Variants in DMRTA2 observed in about 807,000 individuals in gnomAD.
DMRTA2 encodes the protein doublesex- and mab-3-related transcription factor A2.
Under a neutral mutation model 29.7 loss-of-function variants are expected in DMRTA2, and 10 were observed. That is an observed-to-expected ratio of 0.34 (90% CI 0.21 to 0.57). The LOEUF (loss-of-function observed/expected upper bound fraction) is 0.57. DMRTA2 is among the 20% of genes least tolerant of loss of function. DMRTA2 has a pLI of 0.87. For missense variants in DMRTA2, 783 were observed against 812.1 expected (o/e 0.96, Z 0.44); for synonymous variants, 469 against 402.6 (o/e 1.16, Z -1.97).
chr1:50,419,379 C>G lies in DMRTA2; in HGVS notation c.915G>C (p.Leu305=). Residue 305 remains leucine, a synonymous_variant, in exon 3 of 3, where the codon CTG becomes CTC. Coordinates refer to ENST00000404795, the MANE Select transcript of DMRTA2 (RefSeq NM_032110.3). This position sits in a 1 kb window ranked among gnomAD's most constrained non-coding sequence, Gnocchi z 6.1. ...GCTGCCGTGGACCCGAGCCTCCGCC[C>G]AGCCCTGGCGCCGGCGCGGCCTCAC... ...EEGEAAPAPG[L]GGGSGPRQRT... 1 of 1,596,934 alleles carries G rather than the reference C, an allele frequency of 6.3e-7. No homozygotes were observed. Among genetic ancestry groups the G allele is most frequent in the Non-Finnish European group, 8.5e-7 (1 of 1,179,060 alleles).
At position 50,418,641 on chromosome 1, in the gene DMRTA2, C is replaced by T. The variant is rs530586456; in HGVS notation, c.*24G>A. On this transcript the variant is annotated 3_prime_UTR_variant, in exon 3 of 3. Coordinates refer to ENST00000404795, the MANE Select transcript of DMRTA2 (RefSeq NM_032110.3). Reference sequence around the variant, plus strand: ...AGGGCTGGGGTTCCTGTTTGGGGACCGGCCGGCTGCCAGGCCCCTCGCCCT... The same window carrying T: ...AGGGCTGGGGTTCCTGTTTGGGGACTGGCCGGCTGCCAGGCCCCTCGCCCT... 4 of 1,367,786 alleles carry T rather than the reference C, an allele frequency of 2.9e-6. No homozygotes were observed. The highest frequency in any genetic ancestry group is 3.0e-5 in the East Asian group (1 of 32,830). The allele number at this position is 1,367,786 out of a possible 1,614,324, so 84.7% of individuals were successfully genotyped here.
Position 50,421,123 on chromosome 1 carries a change from C to A in DMRTA2, c.414G>T (p.Gly138=). 1 of 1,528,050 alleles carries A rather than the reference C, an allele frequency of 6.5e-7. No homozygotes were observed. Among genetic ancestry groups the A allele is most frequent in the Admixed American group, 2.0e-5 (1 of 50,298 alleles). 94.7% of individuals were successfully genotyped at this position (1,528,050 alleles called of 1,614,324 possible). A position where few individuals can be genotyped will look rare whatever the true frequency, so the allele number is the denominator to read the frequency against. ...ELQLLYGTAE[G]LALAAANGII... ...TGCCGTTGGCGGCGGCCAGCGCCAG[C>A]CCCTCGGCAGTGCCGTAGAGCAGCT... Residue 138 remains glycine, a synonymous_variant, in exon 2 of 3, where the codon GGG becomes GGT. Coordinates refer to ENST00000404795, the MANE Select transcript of DMRTA2 (RefSeq NM_032110.3). The surrounding 1 kb of genome is among the most constrained non-coding windows in gnomAD (Gnocchi z 8.7).
Position 50,420,404 on chromosome 1 carries a change from A to G in DMRTA2, c.559+574T>C, listed in dbSNP as rs919714218. Among the ~76,000 whole-genome samples the G allele has an allele frequency of 1.3e-5, 2 of 152,168 alleles. No individual in the cohort carries two copies. Among genetic ancestry groups the G allele is most frequent in the East Asian group, 1.9e-4 (1 of 5,190 alleles). On this transcript the variant is annotated intron_variant, in intron 2 of 2. Coordinates refer to ENST00000404795, the MANE Select transcript of DMRTA2 (RefSeq NM_032110.3). The surrounding 1 kb of genome is among the most constrained non-coding windows in gnomAD (Gnocchi z 4.1). ...GCTAGGCAGGCAGTAGGAAGCGAAG[A>G]GGAAAAGACATAGGAAAGCAGACCT... is the stretch of plus-strand genomic sequence containing the variant.
chr1:50,419,008 A>G lies in DMRTA2; in HGVS notation c.1286T>C (p.Leu429Pro), dbSNP rs758929441. 4 of 1,410,392 alleles carry G rather than the reference A, an allele frequency of 2.8e-6. No homozygotes were observed. In the South Asian group the frequency reaches 4.5e-5, roughly 16 times the overall value. 87.4% of individuals were successfully genotyped at this position (1,410,392 alleles called of 1,614,324 possible). A position where few individuals can be genotyped will look rare whatever the true frequency, so the allele number is the denominator to read the frequency against. ...LLAGAMAPGA[L>P]GSLSSRSAFS... ...GGCCGAGCGGCTGCTCAGCGAGCCC[A>G]GCGCCCCAGGCGCCATGGCGCCGGC... The change falls in exon 3 of 3, where the codon CTG becomes CCG. Residue 429 changes from leucine (L) to proline (P), a missense_variant. By Grantham distance (98) the Leu-to-Pro change is moderately conservative. This residue lies in a region of DMRTA2 where 667 missense variants were observed against 624.8 expected (regional missense o/e 1.07). Transcript: ENST00000404795. This position sits in a 1 kb window ranked among gnomAD's most constrained non-coding sequence, Gnocchi z 6.1.
rs1646049430 is a variant in DMRTA2, at chr1:50,422,949, A to G, written c.-9+167T>C. Reference sequence around the variant, plus strand: ...CCGTCCCTGCCAGAGCCCGCGACAGAGTCCTTGTGTCTCCGTCCGAGAGTC... The same window carrying G: ...CCGTCCCTGCCAGAGCCCGCGACAGGGTCCTTGTGTCTCCGTCCGAGAGTC... On this transcript the variant is annotated intron_variant, in intron 1 of 2. Coordinates refer to ENST00000404795, the MANE Select transcript of DMRTA2 (RefSeq NM_032110.3). The surrounding 1 kb of genome is among the most constrained non-coding windows in gnomAD (Gnocchi z 5.7). Among the ~76,000 whole-genome samples, 1 of 152,168 alleles carries G rather than the reference A, an allele frequency of 6.6e-6. No homozygotes were observed. The highest frequency in any genetic ancestry group is 2.4e-5 in the African/African-American group (1 of 41,450).
At position 50,419,734 on chromosome 1, in the gene DMRTA2, T is replaced by C; in HGVS notation, c.560A>G (p.Glu187Gly). The part of the protein sequence containing the change: ...GGGAAGAGGS[E>G]AKLQKFDLFP... ...CAGGTCAAACTTCTGCAACTTGGCC[T>C]CTGGGAGGGGAGAAAACGTGTCGTG... The change falls in exon 3 of 3, where the codon GAG (glutamate) becomes GGG (glycine). Residue 187 changes from glutamate to glycine, a missense_variant and splice_region_variant. Glu to Gly is a moderately conservative substitution (Grantham distance 98). Coordinates refer to ENST00000404795, the MANE Select transcript of DMRTA2 (RefSeq NM_032110.3). The surrounding 1 kb of genome is among the most constrained non-coding windows in gnomAD (Gnocchi z 6.1). 1 of 1,465,412 alleles carries C rather than the reference T, an allele frequency of 6.8e-7. No homozygotes were observed. Among genetic ancestry groups the C allele is most frequent in the Non-Finnish European group, 9.0e-7 (1 of 1,110,956 alleles). The allele number at this position is 1,465,412 out of a possible 1,614,324, so 90.8% of individuals were successfully genotyped here.
Position 50,419,439 on chromosome 1 carries a change from G to A in DMRTA2, c.855C>T (p.Gly285=). The stretch of plus-strand genomic sequence containing the variant: ...TGTCAGCCTCTGAACCGGATTCAGA[G>A]CCCAGAGGGCTAGCGGAGCCCGGGC... ...EDSPGSASPL[G]SESGSEADKE... Residue 285 remains glycine, a synonymous_variant, in exon 3 of 3, where the codon GGC becomes GGT. Coordinates refer to ENST00000404795, the MANE Select transcript of DMRTA2 (RefSeq NM_032110.3). This position sits in a 1 kb window ranked among gnomAD's most constrained non-coding sequence, Gnocchi z 6.1. 6.3e-7 allele frequency: 1 copy of A among 1,598,784 alleles called. No homozygotes were observed. Among genetic ancestry groups the A allele is most frequent in the South Asian group, 1.1e-5 (1 of 90,486 alleles).
chr1:50,418,714 C>G lies in DMRTA2; in HGVS notation c.1580G>C (p.Gly527Ala). Residue 527 changes from glycine to alanine, a missense_variant, in exon 3 of 3, where the codon GGC (glycine) becomes GCC (alanine). Physicochemically the swap from Gly to Ala is moderately conservative, Grantham distance 60 (BLOSUM62 0). Transcript: ENST00000404795. Reference sequence around the variant, plus strand: ...GACCATAGGCCCGTACAGGCCGCCGCCGTAGGTCGGCTCCTTGTGCACCGC... The same window carrying G: ...GACCATAGGCCCGTACAGGCCGCCGGCGTAGGTCGGCTCCTTGTGCACCGC... Reference protein sequence around the residue: ...AAAVHKEPTYGGGLYGPMVNG... With the variant: ...AAAVHKEPTYAGGLYGPMVNG... The G allele has an allele frequency of 6.6e-7, 1 of 1,519,278 alleles. No homozygotes were observed. Among genetic ancestry groups the G allele is most frequent in the Non-Finnish European group, 8.8e-7 (1 of 1,138,902 alleles). The allele number at this position is 1,519,278 out of a possible 1,614,324, so 94.1% of individuals were successfully genotyped here. A position where few individuals can be genotyped will look rare whatever the true frequency, so the allele number is the denominator to read the frequency against.
Position 50,419,401 on chromosome 1 carries a change from T to C in DMRTA2, c.893A>G (p.Glu298Gly), listed in dbSNP as rs1255330338. The C allele has an allele frequency of 6.3e-7, 1 of 1,597,324 alleles. No individual in the cohort carries two copies. The highest frequency in any genetic ancestry group is 2.2e-5 in the East Asian group (1 of 44,750). The change falls in exon 3 of 3, where the codon GAG becomes GGG. Residue 298 changes from glutamate (E) to glycine (G), a missense_variant. By Grantham distance (98) the Glu-to-Gly change is moderately conservative (BLOSUM62 -2). This residue lies in a region of DMRTA2 where 667 missense variants were observed against 624.8 expected (regional missense o/e 1.07). Transcript: ENST00000404795. The surrounding 1 kb of genome is among the most constrained non-coding windows in gnomAD (Gnocchi z 6.1). ...GCCCAGCCCTGGCGCCGGCGCGGCC[T>C]CACCCTCTTCTTTGTCAGCCTCTGA... ...SGSEADKEEG[E>G]AAPAPGLGGG...
rs765628426 is a variant in DMRTA2 at position 50,421,138 on chromosome 1, G to A, written c.399C>T (p.Tyr133=). 1.0e-5 allele frequency: 16 copies of A among 1,531,860 alleles called. No individual in the cohort carries two copies. Among genetic ancestry groups the A allele is most frequent in the Non-Finnish European group, 1.3e-5 (15 of 1,142,130 alleles). 94.9% of individuals were successfully genotyped at this position (1,531,860 alleles called of 1,614,324 possible). A position where few individuals can be genotyped will look rare whatever the true frequency, so the allele number is the denominator to read the frequency against. ...ENEARELQLL[Y]GTAEGLALAA... ...CCAGCGCCAGCCCCTCGGCAGTGCCGTAGAGCAGCTGCAGCTCGCGCGCCT... is the reference window on the plus strand; with the variant it reads ...CCAGCGCCAGCCCCTCGGCAGTGCCATAGAGCAGCTGCAGCTCGCGCGCCT... The change falls in exon 2 of 3, where the codon TAC becomes TAT. Residue 133 remains tyrosine, a synonymous_variant. Coordinates refer to ENST00000404795, the MANE Select transcript of DMRTA2 (RefSeq NM_032110.3). The surrounding 1 kb of genome is among the most constrained non-coding windows in gnomAD (Gnocchi z 8.7).
Position 50,418,451 on chromosome 1 carries a change from C to G in DMRTA2, c.*214G>C, listed in dbSNP as rs539782171. ...AGGAGATGAGGACCCAGGCCGCGCA[C>G]CCCCTCCGAGAACACCTGCACCTGT... On this transcript the variant is annotated 3_prime_UTR_variant, in exon 3 of 3. Coordinates refer to ENST00000404795, the MANE Select transcript of DMRTA2 (RefSeq NM_032110.3). 5.0e-6 allele frequency: 2 copies of G among 397,328 alleles called. No homozygotes were observed. The highest frequency in any genetic ancestry group is 4.1e-5 in the African/African-American group (2 of 48,628). The allele number at this position is 397,328 out of a possible 1,614,324, so 24.6% of individuals were successfully genotyped here. A position where few individuals can be genotyped will look rare whatever the true frequency, so the allele number is the denominator to read the frequency against.
In DMRTA2 at chr1:50,419,175, C is replaced by A; in HGVS notation, c.1119G>T (p.Val373=). 3.0e-6 allele frequency: 4 copies of A among 1,338,034 alleles called. No individual in the cohort carries two copies. Among genetic ancestry groups the A allele is most frequent in the Non-Finnish European group, 3.8e-6 (4 of 1,050,838 alleles). 82.9% of individuals were successfully genotyped at this position (1,338,034 alleles called of 1,614,324 possible). A position where few individuals can be genotyped will look rare whatever the true frequency, so the allele number is the denominator to read the frequency against. ...GPAAPPDKAA[V]GAAAAADDAW... ...CGTCGTCTGCAGCTGCTGCAGCACC[C>A]ACGGCGGCCTTATCTGGGGGCGCCG... The change falls in exon 3 of 3, where the codon GTG becomes GTT. Residue 373 remains valine (V), a synonymous_variant. Coordinates refer to ENST00000404795, the MANE Select transcript of DMRTA2 (RefSeq NM_032110.3). The surrounding 1 kb of genome is among the most constrained non-coding windows in gnomAD (Gnocchi z 6.1).
rs1298845416 is a variant in DMRTA2 at position 50,422,728 on chromosome 1, G to T, written c.-9+388C>A. The stretch of plus-strand genomic sequence containing the variant: ...GGGTCCCAGGGGACCCCTCTCGAGC[G>T]CAGGCTCCTGCGTTCTGATCTCAGA... On this transcript the variant is annotated intron_variant, in intron 1 of 2. Transcript: ENST00000404795. This position sits in a 1 kb window ranked among gnomAD's most constrained non-coding sequence, Gnocchi z 5.7. 6.6e-6 allele frequency among the ~76,000 whole-genome samples: 1 copy of T among 152,184 alleles called. No homozygotes were observed. Among genetic ancestry groups the T allele is most frequent in the African/African-American group, 2.4e-5 (1 of 41,440 alleles).
Position 50,420,329 on chromosome 1 carries a change from T to C in DMRTA2, c.560-595A>G, listed in dbSNP as rs1646026472. Reference sequence around the variant, plus strand: ...CTTTCCCTCAACGGCTCTGGCCTAATTTCTTCCCTCCCCACAAAAAGCCAC... The same window carrying C: ...CTTTCCCTCAACGGCTCTGGCCTAACTTCTTCCCTCCCCACAAAAAGCCAC... On this transcript the variant is annotated intron_variant, in intron 2 of 2. Transcript: ENST00000404795. The surrounding 1 kb of genome is among the most constrained non-coding windows in gnomAD (Gnocchi z 4.1). Among the ~76,000 whole-genome samples the C allele has an allele frequency of 6.6e-6, 1 of 152,066 alleles. No homozygotes were observed. Among genetic ancestry groups the C allele is most frequent in the South Asian group, 2.1e-4 (1 of 4,814 alleles).
Position 50,420,660 on chromosome 1 carries a change from G to T in DMRTA2, c.559+318C>A, listed in dbSNP as rs1050488020. Among the ~76,000 whole-genome samples the T allele has an allele frequency of 6.6e-6, 1 of 152,192 alleles. No individual in the cohort carries two copies. The highest frequency in any genetic ancestry group is 1.5e-5 in the Non-Finnish European group (1 of 68,028). On this transcript the variant is annotated intron_variant, in intron 2 of 2. Transcript: ENST00000404795. This position sits in a 1 kb window ranked among gnomAD's most constrained non-coding sequence, Gnocchi z 4.1. ...GCGCAGAGCGAACGAAGATGCGCAGGTTTCCACCTGGGGAGAAGACGAAGC... is the reference window on the plus strand; with the variant it reads ...GCGCAGAGCGAACGAAGATGCGCAGTTTTCCACCTGGGGAGAAGACGAAGC...
Position 50,419,721 on chromosome 1 carries a change from C to A in DMRTA2, c.573G>T (p.Gln191His). 1 of 1,477,084 alleles carries A rather than the reference C, an allele frequency of 6.8e-7. No individual in the cohort carries two copies. The allele number at this position is 1,477,084 out of a possible 1,614,324, so 91.5% of individuals were successfully genotyped here. A position where few individuals can be genotyped will look rare whatever the true frequency, so the allele number is the denominator to read the frequency against. The change falls in exon 3 of 3, where the codon CAG becomes CAT. Residue 191 changes from glutamine (Q) to histidine (H), a missense_variant. This residue lies in a region of DMRTA2 where 667 missense variants were observed against 624.8 expected (regional missense o/e 1.07). Coordinates refer to ENST00000404795, the MANE Select transcript of DMRTA2 (RefSeq NM_032110.3). This position sits in a 1 kb window ranked among gnomAD's most constrained non-coding sequence, Gnocchi z 6.1. Reference protein sequence around the residue: ...AGAGGSEAKLQKFDLFPKTLL... With the variant: ...AGAGGSEAKLHKFDLFPKTLL... ...GCGTCTTAGGAAACAGGTCAAACTT[C>A]TGCAACTTGGCCTCTGGGAGGGGAG...
In DMRTA2 at chr1:50,419,540, G is replaced by A; in HGVS notation, c.754C>T (p.Leu252=). 1 of 1,575,962 alleles carries A rather than the reference G, an allele frequency of 6.3e-7. No homozygotes were observed. The highest frequency in any genetic ancestry group is 1.2e-5 in the South Asian group (1 of 85,934). The change falls in exon 3 of 3, where the codon CTA becomes TTA. Residue 252 remains leucine, a synonymous_variant. Transcript: ENST00000404795. This position sits in a 1 kb window ranked among gnomAD's most constrained non-coding sequence, Gnocchi z 6.1. The part of the protein sequence containing the change: ...GDGESFSGSP[L]ARASKEAGGS... ...CCTGCCTCTTTGGAGGCCCGAGCTA[G>A]GGGCGAACCAGAAAAGGACTCGCCA...
rs563657837 is a variant in DMRTA2 at position 50,420,654 on chromosome 1, G to A, written c.559+324C>T. ...GGAGAAGCGCAGAGCGAACGAAGAT[G>A]CGCAGGTTTCCACCTGGGGAGAAGA... On this transcript the variant is annotated intron_variant, in intron 2 of 2. Coordinates refer to ENST00000404795, the MANE Select transcript of DMRTA2 (RefSeq NM_032110.3). The surrounding 1 kb of genome is among the most constrained non-coding windows in gnomAD (Gnocchi z 4.1). Among the ~76,000 whole-genome samples the A allele has an allele frequency of 3.3e-5, 5 of 152,324 alleles. No homozygotes were observed. Among genetic ancestry groups the A allele is most frequent in the South Asian group, 2.1e-4 (1 of 4,828 alleles).
In DMRTA2 at chr1:50,418,546, G is replaced by T; in HGVS notation, c.*119C>A. 1 of 879,954 alleles carries T rather than the reference G, an allele frequency of 1.1e-6. No homozygotes were observed. Among genetic ancestry groups the T allele is most frequent in the South Asian group, 3.8e-5 (1 of 26,656 alleles). The allele number at this position is 879,954 out of a possible 1,614,324, so 54.5% of individuals were successfully genotyped here. ...TAAACAAAACCCAAAAACCACCTTA[G>T]AGTGAGAAGACGCCCAGCCAGGGCG... On this transcript the variant is annotated 3_prime_UTR_variant, in exon 3 of 3. Coordinates refer to ENST00000404795, the MANE Select transcript of DMRTA2 (RefSeq NM_032110.3).
Sources: allele counts gnomAD v4.1 joint callset (sites outside exome capture counted in the v4.1 genomes callset), GRCh38; gene constraint gnomAD v4.1.1; regional missense constraint gnomAD v4.1.1; non-coding constraint Gnocchi (gnomAD v3.1); transcripts MANE v1.5; gene names NCBI Gene and HGNC (gene_info 2026-07-23, HGNC 2026-07-21).